Variants in GLIS1 observed in about 807,000 individuals in gnomAD.
The protein encoded by GLIS1 is GLIS family zinc finger 1.
GLIS1 carries 24 observed loss-of-function variants against 63.8 expected under a neutral mutation model. The observed-to-expected ratio is 0.38, with a 90% CI of 0.27 to 0.53. The LOEUF is 0.53. Among genes scored for constraint, GLIS1 ranks in the 20% least tolerant of loss-of-function variants. The pLI is 0.85. For missense variants in GLIS1, 1,036 were observed against 1,074.1 expected (o/e 0.96, Z 0.50); for synonymous variants, 450 against 482.5 (o/e 0.93, Z 0.88).
chr1:53,599,343 T>C (rs1645291925), intron 3 of GLIS1, among the ~76,000 whole-genome samples: 1 of 152,212 alleles, frequency 6.6e-6, no homozygotes, highest in South Asian at 2.1e-4. Flanking sequence ...GGAGTGGGAC[T>C]GGTGCCTTTA....
At chr1:53,703,976 C>T (rs1646550657) in intron 2 of GLIS1, among the ~76,000 whole-genome samples, 1 of 152,240 alleles carries the variant, frequency 6.6e-6, no homozygotes, top group African/African-American at 2.4e-5. Flanking sequence ...CAAAACCGCA[C>T]ACATTTAAGC....
chr1:53,533,563 T>A (rs1160569827), intron 4 of GLIS1, among the ~76,000 whole-genome samples: 2 of 152,200 alleles, frequency 1.3e-5, no homozygotes, highest in African/African-American at 4.8e-5. Flanking sequence ...TGGGATGCCC[T>A]GATGAGAGTG....
intron 3 of GLIS1, 71 bp downstream of exon 3, chr1:53,600,030 A>T: frequency 1.2e-6 from 1 of 849,248 alleles, no homozygotes; most frequent in Non-Finnish European, 1.6e-6. Flanking sequence ...TAAAAAGAGG[A>T]GGTGAGGCCT....
chr1:53,727,658 T>G (rs1646818989), intron 2 of GLIS1, among the ~76,000 whole-genome samples: 1 of 152,162 alleles, frequency 6.6e-6, no homozygotes, highest in African/African-American at 2.4e-5. Context: ...GCCCCTGGCC[T>G]GGCAGCTCCA....
chr1:53,520,285 T>A (rs1644393605), intron 7 of GLIS1, among the ~76,000 whole-genome samples: 1 of 152,014 alleles, frequency 6.6e-6, no homozygotes, highest in Non-Finnish European at 1.5e-5. Context: ...GCAGAGAGTG[T>A]TCAGGGAACT....
chr1:53,593,710 G>A (rs571154890), intron 4 of GLIS1, among the ~76,000 whole-genome samples: 3 of 152,316 alleles, frequency 2.0e-5, no homozygotes, highest in South Asian at 4.1e-4. Context: ...AGGGCCCAGC[G>A]CTGGAGGAGA....
At chr1:53,720,376 A>C (rs1646741671) in intron 2 of GLIS1, among the ~76,000 whole-genome samples, 1 of 152,200 alleles carries the variant, frequency 6.6e-6, no homozygotes, top group South Asian at 2.1e-4. Context: ...AACTGTGTTA[A>C]ATGAAACAAG....
At chr1:53,737,562 C>T (rs1047185503) in intron 2 of GLIS1, among the ~76,000 whole-genome samples, 5 of 152,350 alleles carry the variant, frequency 3.3e-5, no homozygotes, top group African/African-American at 1.2e-4. Flanking sequence ...CACACAGAAG[C>T]AAAATTATGT....
At chr1:53,554,289 T>C (rs1356637169) in intron 4 of GLIS1, among the ~76,000 whole-genome samples, 1 of 152,130 alleles carries the variant, frequency 6.6e-6, no homozygotes, top group Non-Finnish European at 1.5e-5. Context: ...AGGACGACCA[T>C]GTGAGGTCAC....
chr1:53,653,410 A>G (rs6588485), intron 2 of GLIS1, among the ~76,000 whole-genome samples: 144,798 of 152,078 alleles, frequency 0.95, 69,214 homozygotes, highest in East Asian at 1. Context: ...AACATGCATC[A>G]CAGCCCGGCG....
chr1:53,570,954 A>T (rs1047831147), intron 4 of GLIS1, among the ~76,000 whole-genome samples: 5 of 152,266 alleles, frequency 3.3e-5, no homozygotes, highest in African/African-American at 9.6e-5. Flanking sequence ...GGAAAGATTG[A>T]TAAATTCCAC....
chr1:53,554,057 C>T (rs1644791228), intron 4 of GLIS1, among the ~76,000 whole-genome samples: 1 of 152,206 alleles, frequency 6.6e-6, no homozygotes. Context: ...ACTCTGGCTC[C>T]AGGCCCCTCG....
chr1:53,516,942 G>A lies in GLIS1; in HGVS notation c.1727-2161C>T, dbSNP rs199500899. Among the ~76,000 whole-genome samples the A allele has an allele frequency of 3.3e-3, 497 of 152,234 alleles. 3 individuals are homozygous for A. Among genetic ancestry groups the A allele is most frequent in the Non-Finnish European group, 4.7e-3 (318 of 68,026 alleles). On this transcript the variant is annotated intron_variant, in intron 7 of 10. Coordinates refer to ENST00000628545, the MANE Select transcript of GLIS1 (RefSeq NM_001367484.1). Reference sequence around the variant, plus strand: ...AGCACCCTACGTTACATTACATCATGTGAGATTCAACTATCAAAATAACTA... The same window carrying A: ...AGCACCCTACGTTACATTACATCATATGAGATTCAACTATCAAAATAACTA...
chr1:53,595,110 G>C (rs1645241909), intron 3 of GLIS1, 120 bp from the exon 4 acceptor site: 1 of 808,962 alleles, frequency 1.2e-6, no homozygotes, highest in African/African-American at 1.8e-5. Flanking sequence ...GCAGGAGGCA[G>C]AGGCTGAGGG....
intron 4 of GLIS1, among the ~76,000 whole-genome samples, chr1:53,550,540 A>T (rs536760167): frequency 6.6e-6 from 1 of 152,204 alleles, no homozygotes; most frequent in African/African-American, 2.4e-5. Flanking sequence ...TTATGCAAGA[A>T]GATGATAAAA....
chr1:53,591,772 A>C (rs996601148), intron 4 of GLIS1, among the ~76,000 whole-genome samples: 1 of 152,080 alleles, frequency 6.6e-6, no homozygotes, highest in Non-Finnish European at 1.5e-5. Context: ...ACAATCCTAA[A>C]CCCTGGAAGA....
At chr1:53,733,862 AC>A in intron 2 of GLIS1, 4 of 938,604 alleles carry the variant, frequency 4.3e-6, no homozygotes, top group Non-Finnish European at 5.1e-6. Flanking sequence ...CAAATTGCCC[AC>A]CGGAGCCGGA....
At chr1:53,587,309 G>C (rs1645145813) in intron 4 of GLIS1, among the ~76,000 whole-genome samples, 1 of 152,148 alleles carries the variant, frequency 6.6e-6, no homozygotes, top group African/African-American at 2.4e-5. Flanking sequence ...CATGAGAAGT[G>C]ACATGATCCC....
intron 2 of GLIS1, among the ~76,000 whole-genome samples, chr1:53,680,636 GAGA>G: frequency 6.6e-6 from 1 of 152,334 alleles, no homozygotes; most frequent in African/African-American, 2.4e-5. Context: ...GTTAATATCA[GAGA>G]AGGTTTTAAA....
Sources: gnomAD v4.1 joint callset for allele counts (sites outside exome capture counted in the v4.1 genomes callset) on GRCh38, gnomAD v4.1.1 for gene constraint, MANE v1.5 for transcripts, NCBI Gene and HGNC (gene_info 2026-07-23, HGNC 2026-07-21) for gene names.